Variants in PHLDB2 observed in about 807,000 individuals in gnomAD.
PHLDB2 encodes the protein pleckstrin homology like domain family B member 2.
In PHLDB2, 71 loss-of-function variants were observed where a neutral mutation model predicts 123.6. That is an observed-to-expected ratio of 0.57 (90% CI 0.47 to 0.70). The LOEUF is 0.70. Ranked by LOEUF, PHLDB2 falls within the 30% of genes least tolerant of loss-of-function variation. The pLI is 0.00. For missense variants in PHLDB2, 1,446 were observed against 1,519.5 expected, an observed-to-expected ratio of 0.95 and a Z score of 0.80; for synonymous variants, 547 against 541.6, an observed-to-expected ratio of 1.01 and a Z score of -0.14.
chr3:111,871,719 C>G (rs1451786302), intron 1 of PHLDB2, among the ~76,000 whole-genome samples: 1 of 152,190 alleles, frequency 6.6e-6, no homozygotes, highest in African/African-American at 2.4e-5. Flanking sequence ...TCTTGAAACT[C>G]TGATCCCTAC....
chr3:111,870,475 G>A (rs1405763460), intron 1 of PHLDB2, among the ~76,000 whole-genome samples: 1 of 152,120 alleles, frequency 6.6e-6, no homozygotes, highest in Non-Finnish European at 1.5e-5. Flanking sequence ...TTTGACTTTT[G>A]AAATGAGAAT....
At chr3:111,783,633 T>C (rs780189969) in intron 1 of PHLDB2, among the ~76,000 whole-genome samples, 1 of 152,042 alleles carries the variant, frequency 6.6e-6, no homozygotes, top group Admixed American at 6.5e-5. Context: ...AAGATAAACA[T>C]TAATAACTAT....
At chr3:111,754,053 C>A (rs1559813527) in intron 1 of PHLDB2, among the ~76,000 whole-genome samples, 2 of 151,938 alleles carry the variant, frequency 1.3e-5, no homozygotes, top group African/African-American at 2.4e-5. Flanking sequence ...GTTACTGTAG[C>A]CTTGTAGTAT....
rs1226033306 is a variant in PHLDB2, at chr3:111,961,988, T to C, written c.2873-120T>C. ...TGATCTTCTTGGCTTCAAAACAAATTAGACCAAGGCCCAAGCTTCATAGGC... is the reference window on the plus strand; with the variant it reads ...TGATCTTCTTGGCTTCAAAACAAATCAGACCAAGGCCCAAGCTTCATAGGC... On this transcript the variant is annotated intron_variant, in intron 12 of 17. Coordinates refer to ENST00000431670, the MANE Select transcript of PHLDB2 (RefSeq NM_001134438.2). The C allele has an allele frequency of 1.8e-5, 17 of 927,362 alleles. No individual in the cohort carries two copies. In the East Asian group the frequency reaches 4.4e-4, roughly 24 times the overall value. The allele number at this position is 927,362 out of a possible 1,614,324, so 57.4% of individuals were successfully genotyped here.
rs58918022 is a variant in PHLDB2, at chr3:111,967,975, CAAAAAAAAAAAAA to C, written c.3315+163_3315+175del. 1.8e-4 allele frequency: 12 copies of C among 67,812 alleles called. 2 individuals carry two copies. The highest frequency in any genetic ancestry group is 2.9e-4 in the African/African-American group (6 of 20,796). The allele number at this position is 67,812 out of a possible 1,614,324, so 4.2% of individuals were successfully genotyped here. A position where few individuals can be genotyped will look rare whatever the true frequency, so the allele number is the denominator to read the frequency against. On this transcript the variant is annotated intron_variant, in intron 15 of 17. Coordinates refer to ENST00000431670, the MANE Select transcript of PHLDB2 (RefSeq NM_001134438.2). Reference sequence around the variant, plus strand: ...TAAGAGAAGAGTGTGCATTCCTGTGCAAAAAAAAAAAAAAAAAAAAAAAATGTGAGTTCATTTC... The same window carrying C: ...TAAGAGAAGAGTGTGCATTCCTGTGCAAAAAAAAAAATGTGAGTTCATTTC...
intron 5 of PHLDB2, among the ~76,000 whole-genome samples, chr3:111,931,751 G>A (rs112126284): frequency 0.012 from 1,800 of 152,262 alleles, 44 homozygotes; most frequent in African/African-American, 0.041. Context: ...TTCAGATGAC[G>A]GGGATGTCAA....
At position 111,958,737 on chromosome 3, in the gene PHLDB2, T is replaced by C. The variant is rs72940249; in HGVS notation, c.2873-3371T>C. 2,993 of 455,938 alleles carry C rather than the reference T, an allele frequency of 6.6e-3. 86 individuals are homozygous for C. Among genetic ancestry groups the C allele is most frequent in the African/African-American group, 0.053 (2,677 of 50,162 alleles). The allele number at this position is 455,938 out of a possible 1,614,324, so 28.2% of individuals were successfully genotyped here. ...ATTTTCAAGGCCCTTTTTACTGTTTTAGTTGCTTTCCCACTGATTAATGTT... is the reference window on the plus strand; with the variant it reads ...ATTTTCAAGGCCCTTTTTACTGTTTCAGTTGCTTTCCCACTGATTAATGTT... On this transcript the variant is annotated intron_variant, in intron 12 of 17. Coordinates refer to ENST00000431670, the MANE Select transcript of PHLDB2 (RefSeq NM_001134438.2).
intron 1 of PHLDB2, among the ~76,000 whole-genome samples, chr3:111,842,335 T>A (rs1365775501): frequency 6.6e-6 from 1 of 152,190 alleles, no homozygotes; most frequent in African/African-American, 2.4e-5. Context: ...TATATCCCCA[T>A]CCTCACACAA....
rs140747273 is a variant in PHLDB2, at chr3:111,842,228, C to T, written c.-48-3593C>T. Among the ~76,000 whole-genome samples, 5 of 152,346 alleles carry T rather than the reference C, an allele frequency of 3.3e-5. No individual in the cohort carries two copies. In the East Asian group the frequency reaches 9.6e-4, roughly 29 times the overall value. The stretch of plus-strand genomic sequence containing the variant: ...AGTGTTCACTTCTTGCCTCCATCAA[C>T]AATCTTTTCCTTAGACTTTAAGCTT... On this transcript the variant is annotated intron_variant, in intron 1 of 17. Transcript: ENST00000393923.
At chr3:111,746,732 A>G (rs1213815520) in intron 1 of PHLDB2, among the ~76,000 whole-genome samples, 1 of 152,174 alleles carries the variant, frequency 6.6e-6, no homozygotes, top group Non-Finnish European at 1.5e-5. Flanking sequence ...TCTTGCCACT[A>G]CACTCCAGCC....
intron 1 of PHLDB2, among the ~76,000 whole-genome samples, chr3:111,801,000 G>A (rs527362253): frequency 1.2e-3 from 183 of 152,264 alleles, no homozygotes; most frequent in Non-Finnish European, 2.0e-3. Context: ...TTTAGACATA[G>A]AAGAGACCTT....
chr3:111,857,233 C>A (rs1317572829), upstream of PHLDB2, among the ~76,000 whole-genome samples: 1 of 152,110 alleles, frequency 6.6e-6, no homozygotes, highest in Non-Finnish European at 1.5e-5. Context: ...AGACAGATCG[C>A]TTGAGCCCAG....
intron 2 of PHLDB2, among the ~76,000 whole-genome samples, chr3:111,910,276 G>A (rs188192039): frequency 1.7e-3 from 254 of 151,932 alleles, no homozygotes; most frequent in Admixed American, 3.4e-3. Flanking sequence ...TGGGAATGGC[G>A]AAAAAAATAA....
chr3:111,865,544 T>C, intron 1 of PHLDB2, among the ~76,000 whole-genome samples: 1 of 152,088 alleles, frequency 6.6e-6, no homozygotes, highest in East Asian at 1.9e-4. Flanking sequence ...GAACATGTAG[T>C]TCACTCTCAC....
intron 6 of PHLDB2, among the ~76,000 whole-genome samples, chr3:111,932,987 T>C (rs954639610): frequency 2.0e-5 from 3 of 152,252 alleles, no homozygotes; most frequent in African/African-American, 7.2e-5. Context: ...AAGAACTTAA[T>C]GCAGCATAGA....
chr3:111,777,507 C>T (rs1207007734), intron 1 of PHLDB2, among the ~76,000 whole-genome samples: 3 of 152,090 alleles, frequency 2.0e-5, no homozygotes, highest in African/African-American at 7.2e-5. Context: ...CATCTTAAAT[C>T]AGACCAGTCC....
Position 111,884,714 on chromosome 3 carries a change from A to C in PHLDB2, c.637A>C (p.Ile213Leu). The change falls in exon 2 of 18, where the codon ATT (isoleucine) becomes CTT (leucine). Residue 213 changes from isoleucine (I) to leucine (L), a missense_variant. Ile to Leu is a conservative substitution (Grantham distance 5). Around this residue, in one of 3 missense-constraint regions of PHLDB2, gnomAD observed 832 missense variants for 831.9 expected, o/e 1.00. Coordinates refer to ENST00000431670, the MANE Select transcript of PHLDB2 (RefSeq NM_001134438.2). ...SSPKQARKMS[I>L]QDSLALQPKL... ...CCCAAAGCAAGCCAGGAAAATGAGC[A>C]TTCAGGACAGCCTGGCGCTTCAACC... 1 of 1,614,156 alleles carries C rather than the reference A, an allele frequency of 6.2e-7. No individual in the cohort carries two copies. Among genetic ancestry groups the C allele is most frequent in the South Asian group, 1.1e-5 (1 of 91,080 alleles).
At position 111,882,936 on chromosome 3, in the gene PHLDB2, G is replaced by A. The variant is rs529894662; in HGVS notation, c.-14-1128G>A. 3.3e-5 allele frequency among the ~76,000 whole-genome samples: 5 copies of A among 152,296 alleles called. No homozygotes were observed. The East Asian group carries it at 9.6e-4, about 29-fold the overall frequency. ...TAGACATAACCTCTTCCTTAAACTT[G>A]TGGCCTAGTTACAGAGACAACCACA... is the stretch of plus-strand genomic sequence containing the variant. On this transcript the variant is annotated intron_variant, in intron 1 of 17. Coordinates refer to ENST00000431670, the MANE Select transcript of PHLDB2 (RefSeq NM_001134438.2).
intron 2 of PHLDB2, chr3:111,911,550 G>A: frequency 1.4e-6 from 2 of 1,403,218 alleles, no homozygotes; most frequent in Non-Finnish European, 1.9e-6. Context: ...GCTGAGGTGG[G>A]CAGGGCTTGG....
Sources: gnomAD v4.1 joint callset for allele counts (sites outside exome capture counted in the v4.1 genomes callset) on GRCh38, gnomAD v4.1.1 for gene constraint, gnomAD v4.1.1 regional missense constraint, MANE v1.5 for transcripts, NCBI Gene and HGNC (gene_info 2026-07-23, HGNC 2026-07-21) for gene names.